The following CAST variants were observed in gnomAD, a reference collection of about 807,000 sequenced individuals.
CAST encodes the protein MIR583 host.
Under a neutral mutation model 119.6 loss-of-function variants are expected in CAST, and 76 were observed. The ratio of observed to expected loss-of-function variants is 0.64; its 90% CI spans 0.53 to 0.77. The LOEUF is 0.77. Among genes scored for constraint, CAST ranks in the 30% least tolerant of loss-of-function variants. The pLI, the probability that CAST is intolerant of heterozygous loss-of-function variation, is 0.00. For missense variants in CAST, 953 were observed against 946.5 expected (o/e 1.01, Z -0.09); for synonymous variants, 319 against 331.6 (o/e 0.96, Z 0.41).
the CAST span, among the ~76,000 whole-genome samples, chr5:96,046,017 A>T: frequency 6.6e-6 from 1 of 152,154 alleles, no homozygotes; most frequent in African/African-American, 2.4e-5. Flanking sequence ...GGAGTGGGCC[A>T]TGTGGATAAC....
chr5:96,183,870 G>A, the CAST span, among the ~76,000 whole-genome samples: 1 of 152,186 alleles, frequency 6.6e-6, no homozygotes, highest in South Asian at 2.1e-4. Flanking sequence ...GTTGAAATAT[G>A]CTATTAAAAA....
At chr5:96,069,946 G>GTT in the CAST span, among the ~76,000 whole-genome samples, 177 of 152,200 alleles carry the variant, frequency 1.2e-3, no homozygotes, top group African/African-American at 4.2e-3. Flanking sequence ...GAAGCCAGGA[G>GTT]TTTGAGACTA....
chr5:96,360,952 G>A, the CAST span, among the ~76,000 whole-genome samples: 2 of 152,322 alleles, frequency 1.3e-5, no homozygotes, highest in Non-Finnish European at 2.9e-5. Flanking sequence ...TCCCCCAGGT[G>A]CTGTGTCCCA....
the CAST span, among the ~76,000 whole-genome samples, chr5:96,431,801 C>G: frequency 1.3e-5 from 2 of 152,162 alleles, no homozygotes; most frequent in Non-Finnish European, 2.9e-5. Flanking sequence ...CAACCACCAC[C>G]TCCAGAAAAA....
chr5:96,096,291 G>A, the CAST span, among the ~76,000 whole-genome samples: 1 of 152,156 alleles, frequency 6.6e-6, no homozygotes, highest in Non-Finnish European at 1.5e-5. Flanking sequence ...ATGACCTAAA[G>A]TTGTTCATTA....
At chr5:96,015,170 T>C in the CAST span, among the ~76,000 whole-genome samples, 7 of 152,160 alleles carry the variant, frequency 4.6e-5, no homozygotes, top group Non-Finnish European at 4.4e-5. Flanking sequence ...CTGAAGTTAT[T>C]TTTTAAAGGT....
At chr5:96,599,977 A>AAAAAGAAAAG (rs948094223) in intron 1 of CAST, among the ~76,000 whole-genome samples, 1 of 151,586 alleles carries the variant, frequency 6.6e-6, no homozygotes, top group Admixed American at 6.6e-5. Context: ...AAAAAAAAAA[A>AAAAAGAAAAG]AAAAAACCCT....
chr5:96,117,908 C>T, the CAST span, among the ~76,000 whole-genome samples: 2 of 152,156 alleles, frequency 1.3e-5, no homozygotes, highest in African/African-American at 4.8e-5. Flanking sequence ...CTTCCACATC[C>T]CCTGTTTCTA....
chr5:96,136,991 C>G, the CAST span, among the ~76,000 whole-genome samples: 1 of 152,170 alleles, frequency 6.6e-6, no homozygotes, highest in Non-Finnish European at 1.5e-5. Context: ...TTTTTTAATA[C>G]AGTTAGACTG....
the CAST span, chr5:96,079,252 A>C: frequency 2.6e-6 from 1 of 380,396 alleles, no homozygotes; most frequent in Non-Finnish European, 5.3e-6. Flanking sequence ...CCCTACCCAC[A>C]CTCTTTGTCC....
the CAST span, among the ~76,000 whole-genome samples, chr5:96,441,121 GTACAAGTAAATGA>G: frequency 6.6e-6 from 1 of 152,096 alleles, no homozygotes; most frequent in Non-Finnish European, 1.5e-5. Context: ...ACATTGTCTG[GTACAAGTAAATGA>G]TAGTTATTTT....
the CAST span, among the ~76,000 whole-genome samples, chr5:96,027,955 T>C: frequency 6.6e-6 from 1 of 151,922 alleles, no homozygotes; most frequent in Non-Finnish European, 1.5e-5. Flanking sequence ...AACATTTGAC[T>C]GGATGATGAT....
chr5:96,522,927 AG>A (rs1745540775), upstream of CAST, among the ~76,000 whole-genome samples: 1 of 152,226 alleles, frequency 6.6e-6, no homozygotes, highest in South Asian at 2.1e-4. Context: ...CACTGGGGCG[AG>A]TGGGGTGAGT....
intron 9 of CAST, 92 bp downstream of exon 9, chr5:96,730,952 C>A: frequency 1.1e-6 from 1 of 884,990 alleles, no homozygotes; most frequent in Non-Finnish European, 1.9e-6. Flanking sequence ...TATCATCTGG[C>A]AAAACTGAAC....
chr5:96,061,907 G>A, the CAST span, among the ~76,000 whole-genome samples: 8 of 152,200 alleles, frequency 5.3e-5, no homozygotes, highest in African/African-American at 1.9e-4. Context: ...ATGTCTAACC[G>A]AGTGGACAGA....
intron 1 of CAST, among the ~76,000 whole-genome samples, chr5:96,651,500 C>T (rs1748094144): frequency 6.6e-6 from 1 of 152,196 alleles, no homozygotes; most frequent in Non-Finnish European, 1.5e-5. Context: ...TTTTCTTATC[C>T]TGTCTCTACT....
chr5:96,226,701 T>TGCAGATAG, the CAST span, among the ~76,000 whole-genome samples: 1 of 152,170 alleles, frequency 6.6e-6, no homozygotes, highest in African/African-American at 2.4e-5. Context: ...AAGAATCTGT[T>TGCAGATAG]TTATTGCAGA....
At chr5:96,556,214 C>G (rs950642677) in intron 1 of CAST, among the ~76,000 whole-genome samples, 14 of 152,186 alleles carry the variant, frequency 9.2e-5, no homozygotes, top group East Asian at 3.9e-4. Flanking sequence ...ATCTGTACAT[C>G]TGCATCATCA....
chr5:96,277,178 A>G, the CAST span, among the ~76,000 whole-genome samples: 1 of 152,066 alleles, frequency 6.6e-6, no homozygotes, highest in Non-Finnish European at 1.5e-5. Flanking sequence ...ACAGGGACAA[A>G]TTTTTTTCTA....
Sources: allele counts gnomAD v4.1 joint callset (sites outside exome capture counted in the v4.1 genomes callset), GRCh38; gene constraint gnomAD v4.1.1; transcripts MANE v1.5; gene names NCBI Gene and HGNC (gene_info 2026-07-23, HGNC 2026-07-21).